The following HNRNPH1 variants were observed in gnomAD, a reference collection of about 807,000 sequenced individuals.
HNRNPH1 encodes the protein heterogeneous nuclear ribonucleoprotein H1, also known as heterogeneous nuclear ribonucleoprotein H.
In HNRNPH1, 4 loss-of-function variants were observed where a neutral mutation model predicts 58.6. The ratio of observed to expected loss-of-function variants is 0.07; its 90% CI spans 0.03 to 0.16. The LOEUF is 0.16. HNRNPH1 is among the 10% of genes least tolerant of loss of function. The pLI is 1.00. For missense variants in HNRNPH1, 271 were observed against 564.2 expected, an observed-to-expected ratio of 0.48 and a Z score of 5.26; for synonymous variants, 192 against 189.2, an observed-to-expected ratio of 1.01 and a Z score of -0.12.
intron 3 of HNRNPH1, among the ~76,000 whole-genome samples, chr5:179,620,477 T>G (rs1771814033): frequency 6.6e-6 from 1 of 152,206 alleles, no homozygotes; most frequent in African/African-American, 2.4e-5. Flanking sequence ...ATTAGATGCT[T>G]CTGGTCACAT....
At chr5:179,615,639 C>A (rs752304084) in intron 11 of HNRNPH1, 44 bp from the exon 13 acceptor site, 1 of 1,034,912 alleles carries the variant, frequency 9.7e-7, no homozygotes, top group Non-Finnish European at 1.5e-6. Flanking sequence ...ACCAAAATCA[C>A]CATTCTTTAG....
In HNRNPH1 at chr5:179,620,934, G is replaced by GA; in HGVS notation, c.354dup (p.Pro119SerfsTer5). On this transcript the variant is annotated frameshift_variant, in exon 3 of 13. Transcript: ENST00000356731. LOFTEE classifies it high-confidence loss of function. ...ATTTCTTCCTTGCTACATCCAAAGGGAAGTCCTCTAAGCCGTACAAAGCCA... is the reference window on the plus strand; with the variant it reads ...ATTTCTTCCTTGCTACATCCAAAGGGAAAGTCCTCTAAGCCGTACAAAGCCA... 6.2e-7 allele frequency: 1 copy of GA among 1,614,058 alleles called. No individual in the cohort carries two copies. Among genetic ancestry groups the GA allele is most frequent in the Non-Finnish European group, 8.5e-7 (1 of 1,179,950 alleles).
At chr5:179,633,306 T>G (rs568506087) in intron 2 of HNRNPH1, among the ~76,000 whole-genome samples, 1 of 150,296 alleles carries the variant, frequency 6.7e-6, no homozygotes, top group African/African-American at 2.5e-5. Flanking sequence ...GTTTGTTTGT[T>G]TGTTTGTTTG....
intron 1 of HNRNPH1, among the ~76,000 whole-genome samples, chr5:179,622,407 T>C (rs942251395): frequency 2.0e-5 from 3 of 152,182 alleles, no homozygotes; most frequent in African/African-American, 7.2e-5. Flanking sequence ...TGCCAATTTA[T>C]CCTTTCGAAA....
upstream of HNRNPH1, among the ~76,000 whole-genome samples, chr5:179,625,015 G>A (rs545536235): frequency 6.6e-6 from 1 of 152,308 alleles, no homozygotes; most frequent in East Asian, 1.9e-4. Flanking sequence ...CCGAGAGAAG[G>A]CTTTGGCAGG....
At chr5:179,622,562 T>G (rs1294123925) in intron 1 of HNRNPH1, among the ~76,000 whole-genome samples, 1 of 152,000 alleles carries the variant, frequency 6.6e-6, no homozygotes, top group South Asian at 2.1e-4. Flanking sequence ...AATACAAAAA[T>G]TAGCCGGGCG....
chr5:179,615,100 G>C (rs961302400), intron 12 of HNRNPH1, 141 bp from the exon 14 acceptor site: 21 of 628,948 alleles, frequency 3.3e-5, no homozygotes, highest in South Asian at 7.3e-5. Context: ...TTTGGGAAAG[G>C]GGAATCCCGA....
At chr5:179,631,813 G>A (rs1035708251) in intron 2 of HNRNPH1, among the ~76,000 whole-genome samples, 2 of 152,174 alleles carry the variant, frequency 1.3e-5, no homozygotes, top group African/African-American at 2.4e-5. Context: ...AGCTACTCAG[G>A]AGGTTGAGGT....
chr5:179,627,379 A>G (rs1466158431), upstream of HNRNPH1, among the ~76,000 whole-genome samples: 3 of 148,894 alleles, frequency 2.0e-5, no homozygotes, highest in African/African-American at 7.4e-5. Context: ...TTTTGTAGTG[A>G]TGGGGGTCTC....
At chr5:179,632,070 G>A (rs1774874280) in intron 2 of HNRNPH1, among the ~76,000 whole-genome samples, 1 of 150,222 alleles carries the variant, frequency 6.7e-6, no homozygotes, top group Non-Finnish European at 1.5e-5. Context: ...ACTTTGGGAG[G>A]CCGAGGCGGG....
intron 10 of HNRNPH1, 181 bp from the exon 12 acceptor site, chr5:179,616,399 C>T: frequency 1.6e-6 from 1 of 606,446 alleles, no homozygotes; most frequent in Non-Finnish European, 2.9e-6. Flanking sequence ...TTGAGCCAGT[C>T]AAATATTGAT....
exon 2 of HNRNPH1, chr5:179,634,128 C>T (rs1456818275): frequency 1.4e-5 from 2 of 143,746 alleles, no homozygotes; most frequent in African/African-American, 2.6e-5. Flanking sequence ...GCGCAGGTGC[C>T]ACTGCACAGA....
Position 179,615,126 on chromosome 5 carries a change from A to T in HNRNPH1, c.*1-167T>A, listed in dbSNP as rs1218312544. The T allele has an allele frequency of 8.9e-5, 53 of 593,880 alleles. No individual in the cohort carries two copies. In the Admixed American group the frequency reaches 1.3e-3, roughly 15 times the overall value. 36.8% of individuals were successfully genotyped at this position (593,880 alleles called of 1,614,324 possible). A position where few individuals can be genotyped will look rare whatever the true frequency, so the allele number is the denominator to read the frequency against. On this transcript the variant is annotated intron_variant, in intron 12 of 12. Coordinates refer to ENST00000356731, the Ensembl canonical transcript of HNRNPH1. ...GGAATCCCGACTCCAAACAAGCCTC[A>T]ATTAACCCCTTTTCTCTGCAGTACC...
chr5:179,623,183 C>G lies in HNRNPH1; in HGVS notation c.-50G>C, dbSNP rs371934420. ...AAACAAACTGCAAAGCGGGGAGGAC[C>G]AGAACTGAGAGCGCCAATTAAGCTG... is the stretch of plus-strand genomic sequence containing the variant. On this transcript the variant is annotated 5_prime_UTR_variant, in exon 1 of 13. Transcript: ENST00000356731. 18 of 1,390,718 alleles carry G rather than the reference C, an allele frequency of 1.3e-5. No individual in the cohort carries two copies. The highest frequency in any genetic ancestry group is 1.7e-5 in the Admixed American group (1 of 58,178). 86.1% of individuals were successfully genotyped at this position (1,390,718 alleles called of 1,614,324 possible). A position where few individuals can be genotyped will look rare whatever the true frequency, so the allele number is the denominator to read the frequency against.
chr5:179,621,341 T>G (rs1227965623), exon 2 of HNRNPH1: 1 of 1,614,016 alleles, frequency 6.2e-7, no homozygotes, highest in African/African-American at 1.3e-5. Context: ...CCACTTGGTC[T>G]GCCTTCTCTG....
At chr5:179,617,433 C>G in intron 8 of HNRNPH1, 81 bp downstream of exon 9, 1 of 1,459,084 alleles carries the variant, frequency 6.9e-7, no homozygotes, top group Non-Finnish European at 9.4e-7. Context: ...TCTCATATAT[C>G]CTTATTTTTC....
upstream of HNRNPH1, chr5:179,629,399 C>G (rs1424610477): frequency 7.0e-6 from 1 of 142,534 alleles, no homozygotes; most frequent in East Asian, 2.0e-4. Flanking sequence ...CTCAGGTGAT[C>G]CTCCTGCCTC....
At chr5:179,633,605 C>G (rs1043060000) in intron 2 of HNRNPH1, among the ~76,000 whole-genome samples, 1 of 151,950 alleles carries the variant, frequency 6.6e-6, no homozygotes, top group African/African-American at 2.4e-5. Context: ...AGCCACCGTG[C>G]CCTGCCTGTC....
intron 2 of HNRNPH1, among the ~76,000 whole-genome samples, chr5:179,633,455 C>T (rs1265942207): frequency 7.0e-6 from 1 of 143,368 alleles, no homozygotes; most frequent in African/African-American, 2.6e-5. Context: ...GCCCCACACC[C>T]GGCTAATTTT....
Sources: gnomAD v4.1 joint callset for allele counts (sites outside exome capture counted in the v4.1 genomes callset) on GRCh38, gnomAD v4.1.1 for gene constraint, MANE v1.5 for transcripts, NCBI Gene and HGNC (gene_info 2026-07-23, HGNC 2026-07-21) for gene names.